DCST2: variants seen among roughly 807,000 people sequenced by gnomAD.
The protein encoded by DCST2 is DC-STAMP domain containing 2.
Under a neutral mutation model 81.8 loss-of-function variants are expected in DCST2, and 64 were observed. The observed-to-expected ratio is 0.78, with a 90% confidence interval of 0.64 to 0.96. The LOEUF (loss-of-function observed/expected upper bound fraction) is 0.96. Among genes scored for constraint, DCST2 ranks in the 40% least tolerant of loss-of-function variants. The pLI is 0.00. For synonymous variants in DCST2, 354 were observed against 402.6 expected, an observed-to-expected ratio of 0.88 and a Z score of 1.44; for missense variants, 945 against 1,001.4, an observed-to-expected ratio of 0.94 and a Z score of 0.76.
At chr1:155,027,467 A>G (rs1283454213) in intron 8 of DCST2, among the ~76,000 whole-genome samples, 2 of 145,156 alleles carry the variant, frequency 1.4e-5, no homozygotes, top group Non-Finnish European at 3.0e-5. Flanking sequence ...TTATTGGCTG[A>G]GCACTGACTG....
intron 8 of DCST2, among the ~76,000 whole-genome samples, chr1:155,028,733 C>T (rs1659982860): frequency 6.6e-6 from 1 of 151,818 alleles, no homozygotes. Context: ...ATAAGCTGGG[C>T]ATGGTGGCAT....
rs759947215 is a variant in DCST2 at position 155,031,759 on chromosome 1, C to T, written c.554G>A (p.Arg185Gln). The T allele has an allele frequency of 5.0e-6, 8 of 1,613,812 alleles. No homozygotes were observed. In the East Asian group the frequency reaches 6.7e-5, roughly 13 times the overall value. ...DGVKHIARAL[R>Q]NVWQWLLHIG... The stretch of plus-strand genomic sequence containing the variant: ...GTGCAGGAGCCACTGCCACACATTC[C>T]GGAGAGCCCTGGCTGGGGACAGCTG... Residue 185 changes from arginine to glutamine, a missense_variant, in exon 4 of 15, where the codon CGG becomes CAG. Coordinates refer to ENST00000368424, the MANE Select transcript of DCST2 (RefSeq NM_144622.3).
chr1:155,031,515 T>TCCCCCCCCCCCCC, intron 4 of DCST2, 59 bp downstream of exon 4: 1 of 643,126 alleles, frequency 1.6e-6, no homozygotes, highest in Non-Finnish European at 2.9e-6. Context: ...ACCCCCACAT[T>TCCCCCCCCCCCCC]CCCACCCCAC....
rs752911803 is a variant in DCST2, at chr1:155,033,660, TCCC to T, written c.39_41del (p.Gly14del). ...CAGCTCTCGCCATGCTAGGCTCCTC[TCCC>T]CCCAAGGGGTGCACAACATCCTTCA... On this transcript the variant is annotated inframe_deletion, in exon 1 of 15. Transcript: ENST00000368424. The T allele has an allele frequency of 1.9e-6, 3 of 1,614,024 alleles. No individual in the cohort carries two copies. The highest frequency in any genetic ancestry group is 2.5e-6 in the Non-Finnish European group (3 of 1,179,992).
Position 155,029,218 on chromosome 1 carries a change from C to A in DCST2, c.1342+15G>T. On this transcript the variant is annotated intron_variant, in intron 8 of 14. Transcript: ENST00000368424. ...CAGTGGGTGAGTGGGAGGAGGCTGT[C>A]ACGTAGGCACTCACTGCGGGCCACA... 1 of 1,611,618 alleles carries A rather than the reference C, an allele frequency of 6.2e-7. No individual in the cohort carries two copies. Among genetic ancestry groups the A allele is most frequent in the South Asian group, 1.1e-5 (1 of 90,870 alleles).
chr1:155,022,193 G>C (rs918651154), intron 14 of DCST2, among the ~76,000 whole-genome samples: 2 of 152,120 alleles, frequency 1.3e-5, no homozygotes, highest in Non-Finnish European at 2.9e-5. Context: ...AGACAAATAT[G>C]AGCATATCAC....
intron 10 of DCST2, among the ~76,000 whole-genome samples, chr1:155,025,820 G>A (rs1181413530): frequency 6.6e-6 from 1 of 151,684 alleles, no homozygotes; most frequent in African/African-American, 2.4e-5. Context: ...CTAGTAGCTG[G>A]GACTACAGGC....
chr1:155,025,596 G>A (rs1388504529), intron 10 of DCST2, among the ~76,000 whole-genome samples: 3 of 151,974 alleles, frequency 2.0e-5, no homozygotes, highest in Admixed American at 2.0e-4. Context: ...TAAAGTGCTG[G>A]GATTACAGGC....
chr1:155,020,118 A>C (rs977455221), intron 14 of DCST2, among the ~76,000 whole-genome samples: 2 of 152,098 alleles, frequency 1.3e-5, no homozygotes, highest in African/African-American at 4.8e-5. Flanking sequence ...CTGGCCCTGG[A>C]GCCCAAACCT....
intron 14 of DCST2, among the ~76,000 whole-genome samples, chr1:155,019,744 T>C (rs1388951641): frequency 2.1e-5 from 3 of 144,100 alleles, no homozygotes; most frequent in Non-Finnish European, 4.5e-5. Flanking sequence ...GTGAATCCTA[T>C]TCATGGCTAC....
At chr1:155,027,008 T>C (rs933030605) in intron 8 of DCST2, among the ~76,000 whole-genome samples, 2 of 152,106 alleles carry the variant, frequency 1.3e-5, no homozygotes, top group African/African-American at 4.8e-5. Context: ...CCGGCCTCCA[T>C]GACCACCCAG....
rs138904334 is a variant in DCST2, at chr1:155,030,146, G to A, written c.1115C>T (p.Thr372Met). 8.1e-6 allele frequency: 13 copies of A among 1,614,068 alleles called. No individual in the cohort carries two copies. Among genetic ancestry groups the A allele is most frequent in the East Asian group, 4.5e-5 (2 of 44,880 alleles). ...CGGTAGCACTGTGGGCAGCCCTGCC[G>A]TGGAGCGCACAGCCTCCATGCGCAG... is the stretch of plus-strand genomic sequence containing the variant. ...RFLRMEAVRS[T>M]AGLPTVLPLS... Residue 372 changes from threonine (T) to methionine (M), a missense_variant, in exon 7 of 15, where the codon ACG becomes ATG. Transcript: ENST00000368424.
Position 155,023,698 on chromosome 1 carries a change from G to A in DCST2, c.1870+134C>T, listed in dbSNP as rs570085007. The A allele has an allele frequency of 5.2e-5, 81 of 1,567,960 alleles. No homozygotes were observed. The African/African-American group carries it at 8.4e-4, about 16-fold the overall frequency. ...CTGAAGGCTCTGTGTAAATGAGAAC[G>A]TGCATAGTAATGAAGGGAGGGGCAC... is the stretch of plus-strand genomic sequence containing the variant. On this transcript the variant is annotated intron_variant, in intron 12 of 14. Coordinates refer to ENST00000368424, the MANE Select transcript of DCST2 (RefSeq NM_144622.3).
intron 9 of DCST2, 63 bp from the exon 10 acceptor site, chr1:155,026,465 G>GC: frequency 1.2e-6 from 2 of 1,611,840 alleles, no homozygotes; most frequent in Non-Finnish European, 8.5e-7. Context: ...CACCCCTGGC[G>GC]CCCCCCACAT....
chr1:155,020,731 G>A (rs1014298420), intron 14 of DCST2, among the ~76,000 whole-genome samples: 2 of 151,726 alleles, frequency 1.3e-5, no homozygotes, highest in Non-Finnish European at 2.9e-5. Flanking sequence ...TGGTCTTCCC[G>A]ATGCCATGAA....
chr1:155,023,639 G>T (rs1422532546), intron 12 of DCST2, 182 bp from the exon 13 acceptor site: 1 of 1,548,704 alleles, frequency 6.5e-7, no homozygotes. Context: ...AAATACCCGG[G>T]AGAATAAAGG....
chr1:155,027,629 C>G (rs1403797341), intron 8 of DCST2, among the ~76,000 whole-genome samples: 1 of 129,402 alleles, frequency 7.7e-6, no homozygotes, highest in Non-Finnish European at 1.6e-5. Flanking sequence ...GGTGTGATCT[C>G]GGCTCACTGC....
Position 155,030,715 on chromosome 1 carries a change from G to A in DCST2, c.806-70C>T. On this transcript the variant is annotated intron_variant, in intron 5 of 14. Coordinates refer to ENST00000368424, the MANE Select transcript of DCST2 (RefSeq NM_144622.3). Reference sequence around the variant, plus strand: ...GAGAGGGTGGAGCTGCCCCTGGGGAGGGGCCTGGCACAGCCCAGGGGGCGC... The same window carrying A: ...GAGAGGGTGGAGCTGCCCCTGGGGAAGGGCCTGGCACAGCCCAGGGGGCGC... The A allele has an allele frequency of 2.6e-6, 4 of 1,558,920 alleles. No homozygotes were observed. The East Asian group carries it at 6.8e-5, about 27-fold the overall frequency.
chr1:155,031,805 G>A, intron 3 of DCST2, 34 bp from the exon 4 acceptor site: 1 of 1,604,582 alleles, frequency 6.2e-7, no homozygotes, highest in African/African-American at 1.3e-5. Flanking sequence ...ACCCAGGGCT[G>A]GAATCCTACA....
Sources: gnomAD v4.1 joint callset for allele counts (sites outside exome capture counted in the v4.1 genomes callset) on GRCh38, gnomAD v4.1.1 for gene constraint, MANE v1.5 for transcripts, NCBI Gene and HGNC (gene_info 2026-07-23, HGNC 2026-07-21) for gene names.